ARID1B: variants seen among roughly 807,000 people sequenced by gnomAD.
ARID1B encodes AT-rich interactive domain-containing protein 1B.
Under a neutral mutation model 212.3 loss-of-function variants are expected in ARID1B, and 30 were observed. That is an observed-to-expected ratio of 0.14 (90% CI 0.11 to 0.19). The LOEUF (loss-of-function observed/expected upper bound fraction) is 0.19. Ranked by LOEUF, ARID1B falls within the 10% of genes least tolerant of loss-of-function variation. ARID1B has a pLI of 1.00. For synonymous variants in ARID1B, 1,402 were observed against 1,301.7 expected (o/e 1.08, Z -1.66); for missense variants, 2,891 against 3,204.0 (o/e 0.90, Z 2.36).
intron 1 of ARID1B, among the ~76,000 whole-genome samples, chr6:156,802,344 AGTTATTTAT>A (rs1489828049): frequency 6.6e-6 from 1 of 152,194 alleles, no homozygotes; most frequent in Non-Finnish European, 1.5e-5. Flanking sequence ...AAAGGATGTT[AGTTATTTAT>A]GTTCATATTC....
At chr6:156,813,041 T>TACGTATGTATATACATATATATAC (rs1562404433) in intron 1 of ARID1B, among the ~76,000 whole-genome samples, 2 of 141,504 alleles carry the variant, frequency 1.4e-5, no homozygotes, top group Non-Finnish European at 3.1e-5. Context: ...CATATATATA[T>TACGTATGTATATACATATATATAC]ACACATACGT....
At position 157,207,792 on chromosome 6, in the gene ARID1B, G is replaced by A. The variant is rs749057713; in HGVS notation, c.7020G>A (p.Leu2340=). 8.3e-6 allele frequency: 13 copies of A among 1,558,822 alleles called. No homozygotes were observed. In the South Asian group the frequency reaches 1.2e-4, roughly 14 times the overall value. Residue 2340 remains leucine, a synonymous_variant, in exon 20 of 20, where the codon TTG becomes TTA. Transcript: ENST00000636930. This position sits in a 1 kb window ranked among gnomAD's most constrained non-coding sequence, Gnocchi z 8.5. ...ACGAAAACCGCTCGGAATTCCTTTT[G>A]CACGAGGGCCGGTTGCTGGATATCT... ...RVDENRSEFL[L]HEGRLLDISI...
intron 2 of ARID1B, among the ~76,000 whole-genome samples, chr6:156,830,342 C>G (rs763981532): frequency 2.0e-5 from 3 of 152,280 alleles, no homozygotes; most frequent in African/African-American, 7.2e-5. Context: ...CCGTCGGTAA[C>G]CCACAACAGG....
intron 4 of ARID1B, among the ~76,000 whole-genome samples, chr6:157,013,409 A>G (rs1258543436): frequency 6.6e-6 from 1 of 152,188 alleles, no homozygotes; most frequent in Non-Finnish European, 1.5e-5. Flanking sequence ...ATGGCAGGAA[A>G]AGAATTCTGT....
At chr6:157,150,173 C>CT (rs990803830) in intron 8 of ARID1B, 9 of 152,202 alleles carry the variant, frequency 5.9e-5, no homozygotes, top group South Asian at 2.1e-4. Context: ...AAGTTATTTT[C>CT]TTTTTTTAAG....
At chr6:157,115,419 CTTTG>C (rs199912695) in intron 6 of ARID1B, among the ~76,000 whole-genome samples, 2,599 of 152,060 alleles carry the variant, frequency 0.017, 37 homozygotes, top group South Asian at 0.058. Flanking sequence ...TGGAAGTTTT[CTTTG>C]TTTGTTTGTT....
At chr6:157,039,783 T>A (rs1231526594) in intron 4 of ARID1B, among the ~76,000 whole-genome samples, 15 of 140,030 alleles carry the variant, frequency 1.1e-4, no homozygotes, top group Non-Finnish European at 1.7e-4. Flanking sequence ...CTACCTTCCT[T>A]CCTTCCTTCC....
chr6:157,137,604 A>C (rs1789027443), intron 7 of ARID1B, among the ~76,000 whole-genome samples: 1 of 152,178 alleles, frequency 6.6e-6, no homozygotes, highest in East Asian at 1.9e-4. Context: ...TACTTTTTGC[A>C]TGTTGTTATT....
At chr6:157,036,780 A>G in intron 4 of ARID1B, 1 of 485,720 alleles carries the variant, frequency 2.1e-6, no homozygotes, top group South Asian at 1.5e-5. Flanking sequence ...TTCTGTGGCT[A>G]GACTCAAAGA....
chr6:157,055,447 A>G (rs1232680911), intron 4 of ARID1B, among the ~76,000 whole-genome samples: 2 of 152,208 alleles, frequency 1.3e-5, no homozygotes, highest in African/African-American at 4.8e-5. Flanking sequence ...ACACCCAAAT[A>G]TCACCTTAAA....
chr6:156,778,982 AGGCGGCGGC>A lies in ARID1B; in HGVS notation c.1312_1320del (p.Gly438_Gly440del), dbSNP rs797045268. The stretch of plus-strand genomic sequence containing the variant: ...CCGCGGCGGCGGCGGCAGCAGCAGG[AGGCGGCGGC>A]GGCGGCGGCTATGGGGGCTCGTCCG... On this transcript the variant is annotated inframe_deletion, in exon 1 of 20. Coordinates refer to ENST00000636930, the MANE Select transcript of ARID1B (RefSeq NM_001374828.1). 43 of 1,262,838 alleles carry A rather than the reference AGGCGGCGGC, an allele frequency of 3.4e-5. 1 individual carries two copies. The highest frequency in any genetic ancestry group is 3.9e-5 in the Non-Finnish European group (40 of 1,016,294). The allele number at this position is 1,262,838 out of a possible 1,614,324, so 78.2% of individuals were successfully genotyped here.
intron 4 of ARID1B, among the ~76,000 whole-genome samples, chr6:157,080,008 C>T (rs139442148): frequency 9.2e-5 from 14 of 152,310 alleles, no homozygotes; most frequent in African/African-American, 3.1e-4. Flanking sequence ...TGGGAAGTCA[C>T]AGTGAGAAAT....
At chr6:156,932,306 T>G (rs1256907925) in intron 3 of ARID1B, among the ~76,000 whole-genome samples, 1 of 152,062 alleles carries the variant, frequency 6.6e-6, no homozygotes, top group Non-Finnish European at 1.5e-5. Flanking sequence ...CCATCAATGG[T>G]TAAAAGATTG....
intron 1 of ARID1B, among the ~76,000 whole-genome samples, chr6:156,802,222 A>G (rs1236611090): frequency 6.6e-6 from 1 of 152,262 alleles, no homozygotes; most frequent in Non-Finnish European, 1.5e-5. Flanking sequence ...GAAGTCCTGT[A>G]GGCTATGGAT....
At chr6:157,002,298 A>G (rs527511620) in intron 4 of ARID1B, among the ~76,000 whole-genome samples, 11 of 152,196 alleles carry the variant, frequency 7.2e-5, no homozygotes, top group Non-Finnish European at 1.6e-4. Flanking sequence ...CCAATTTTGA[A>G]AAGAATTTCT....
At chr6:157,036,116 G>C (rs960855022) in intron 4 of ARID1B, among the ~76,000 whole-genome samples, 1 of 152,058 alleles carries the variant, frequency 6.6e-6, no homozygotes, top group Non-Finnish European at 1.5e-5. Context: ...CTTTTCCATC[G>C]TGTATTGGTA....
At chr6:156,948,392 T>G (rs1011838361) in intron 4 of ARID1B, among the ~76,000 whole-genome samples, 5 of 152,066 alleles carry the variant, frequency 3.3e-5, no homozygotes, top group African/African-American at 1.2e-4. Flanking sequence ...TTTAAATTTC[T>G]TATAGAGATG....
chr6:156,901,778 A>G (rs924737262), intron 3 of ARID1B: 7 of 541,752 alleles, frequency 1.3e-5, no homozygotes, highest in Non-Finnish European at 1.9e-5. Context: ...AGAAAGTGTC[A>G]GTCATTGCTT....
rs1327753496 is a variant in ARID1B, at chr6:156,781,974, G to C, written c.1791+2503G>C. On this transcript the variant is annotated intron_variant, in intron 1 of 19. Transcript: ENST00000636930. ...ATGTCCCTATGACCCTTGGGAATAG[G>C]CTTTTTTTTTTTTTTTTTTTTTTTT... Among the ~76,000 whole-genome samples, 8 of 79,724 alleles carry C rather than the reference G, an allele frequency of 1.0e-4. No individual in the cohort carries two copies. The East Asian group carries it at 2.3e-3, about 23-fold the overall frequency. 52.3% of individuals were successfully genotyped at this position (79,724 alleles called of 152,430 possible).
Sources: allele counts gnomAD v4.1 joint callset (sites outside exome capture counted in the v4.1 genomes callset), GRCh38; gene constraint gnomAD v4.1.1; non-coding constraint Gnocchi (gnomAD v3.1); transcripts MANE v1.5; gene names NCBI Gene and HGNC (gene_info 2026-07-23, HGNC 2026-07-21).